Variants in FBXO27 observed in about 807,000 individuals in gnomAD.
FBXO27 encodes F-box only protein 27.
FBXO27 carries 28 observed loss-of-function variants against 28.3 expected under a neutral mutation model. That is an observed-to-expected ratio of 0.99 (90% CI 0.73 to 1.36). The LOEUF (loss-of-function observed/expected upper bound fraction) is 1.36, where lower values mean the gene tolerates loss of function less well. Ranked by LOEUF, FBXO27 falls within the 40% of genes most tolerant of loss-of-function variation. FBXO27 has a pLI of 0.00. For missense variants in FBXO27, 388 were observed against 394.1 expected, an observed-to-expected ratio of 0.98 and a Z score of 0.13; for synonymous variants, 175 against 167.3, an observed-to-expected ratio of 1.05 and a Z score of -0.36.
intron 2 of FBXO27, among the ~76,000 whole-genome samples, chr19:39,007,425 GT>G (rs1975743881): frequency 6.6e-6 from 1 of 152,162 alleles, no homozygotes; most frequent in Non-Finnish European, 1.5e-5. Context: ...GCAGGTGGAA[GT>G]ATAGGGATCA....
chr19:39,016,236 G>A (rs553603455), intron 1 of FBXO27, among the ~76,000 whole-genome samples: 14 of 152,248 alleles, frequency 9.2e-5, no homozygotes, highest in South Asian at 2.1e-4. Flanking sequence ...CAAATCCAGA[G>A]AATGCACGAC....
chr19:39,026,017 C>T (rs1378656140), intron 5 of FBXO27, among the ~76,000 whole-genome samples: 1 of 146,132 alleles, frequency 6.8e-6, no homozygotes, highest in African/African-American at 2.5e-5. Flanking sequence ...GACTCTGCCT[C>T]AAAAAAAAAA....
intron 2 of FBXO27, among the ~76,000 whole-genome samples, chr19:39,011,213 C>A (rs2072792424): frequency 6.6e-6 from 1 of 152,160 alleles, no homozygotes; most frequent in Non-Finnish European, 1.5e-5. Flanking sequence ...GGCGGACCAC[C>A]CGAGGTCAGG....
chr19:39,018,037 G>A (rs957783360), intron 1 of FBXO27, among the ~76,000 whole-genome samples: 11 of 152,050 alleles, frequency 7.2e-5, no homozygotes, highest in Non-Finnish European at 1.6e-4. Context: ...GCTGGAGTGC[G>A]ATGGTGCGAT....
Position 39,031,897 on chromosome 19 carries a change from C to T in FBXO27, c.331G>A (p.Gly111Arg). Residue 111 changes from glycine to arginine, a missense_variant, in exon 2 of 6, where the codon GGA becomes AGA. Coordinates refer to ENST00000292853, the MANE Select transcript of FBXO27 (RefSeq NM_178820.5). ...CAGGGGTTGCGAATAAGGTTGCGTC[C>T]GATGGGTCTGCGCGCGCAGAAGCGG... is the stretch of plus-strand genomic sequence containing the variant. ...LGRFCARRPI[G>R]RNLIRNPCGQ... The T allele has an allele frequency of 6.7e-7, 1 of 1,499,754 alleles. No homozygotes were observed. Among genetic ancestry groups the T allele is most frequent in the South Asian group, 1.3e-5 (1 of 75,920 alleles). The allele number at this position is 1,499,754 out of a possible 1,614,324, so 92.9% of individuals were successfully genotyped here. A position where few individuals can be genotyped will look rare whatever the true frequency, so the allele number is the denominator to read the frequency against.
intron 2 of FBXO27, among the ~76,000 whole-genome samples, chr19:39,008,681 G>A (rs956508051): frequency 1.3e-5 from 2 of 152,110 alleles, no homozygotes; most frequent in Middle Eastern, 3.4e-3. Context: ...CCTGGCAACC[G>A]CTAATCTATT....
At chr19:39,030,871 G>A in intron 4 of FBXO27, 158 bp downstream of exon 4, 2 of 699,970 alleles carry the variant, frequency 2.9e-6, no homozygotes, top group Non-Finnish European at 5.1e-6. Flanking sequence ...ACCCCCCAAA[G>A]TGCTGGGATT....
chr19:39,025,771 T>C (rs1012802102), intron 5 of FBXO27, among the ~76,000 whole-genome samples: 4 of 152,258 alleles, frequency 2.6e-5, no homozygotes, highest in Middle Eastern at 3.4e-3. Flanking sequence ...TCCCAGCACT[T>C]TGGGAGGCCG....
Position 39,026,898 on chromosome 19 carries a change from G to C in FBXO27, c.680C>G (p.Pro227Arg), listed in dbSNP as rs199923366. Reference protein sequence around the residue: ...DKFSAVPDPIPQWNNNACLHV... With the variant: ...DKFSAVPDPIRQWNNNACLHV... Reference sequence around the variant, plus strand: ...AAGGCAGGCATTGTTGTTCCACTGCGGGATGGGATCAGGCACAGCAGAGAA... The same window carrying C: ...AAGGCAGGCATTGTTGTTCCACTGCCGGATGGGATCAGGCACAGCAGAGAA... Residue 227 changes from proline to arginine, a missense_variant, in exon 5 of 6, where the codon CCG (proline) becomes CGG (arginine). Transcript: ENST00000292853. 3.7e-6 allele frequency: 6 copies of C among 1,614,174 alleles called. No individual in the cohort carries two copies. The African/African-American group carries it at 8.0e-5, about 22-fold the overall frequency.
At position 39,025,306 on chromosome 19, in the gene FBXO27, G is replaced by T; in HGVS notation, c.*105C>A. The T allele has an allele frequency of 7.0e-7, 1 of 1,419,480 alleles. No homozygotes were observed. Among genetic ancestry groups the T allele is most frequent in the Non-Finnish European group, 9.5e-7 (1 of 1,049,096 alleles). 87.9% of individuals were successfully genotyped at this position (1,419,480 alleles called of 1,614,324 possible). On this transcript the variant is annotated 3_prime_UTR_variant, in exon 6 of 6. Coordinates refer to ENST00000292853, the MANE Select transcript of FBXO27 (RefSeq NM_178820.5). ...GATTGGACCCAGGAATTCTCAGTAT[G>T]CCAGGGAGGTACAAGTGCTTGGTTG...
At chr19:39,016,951 G>A (rs542494395) in intron 1 of FBXO27, among the ~76,000 whole-genome samples, 8 of 151,954 alleles carry the variant, frequency 5.3e-5, no homozygotes, top group Non-Finnish European at 1.0e-4. Context: ...TGGGTGTGGT[G>A]GCATGTGCCT....
chr19:39,016,517 T>A (rs939943461), intron 1 of FBXO27, among the ~76,000 whole-genome samples: 6 of 145,794 alleles, frequency 4.1e-5, no homozygotes, highest in African/African-American at 1.5e-4. Flanking sequence ...TTTGGGAGGC[T>A]GAAGTGGGAA....
intron 2 of FBXO27, among the ~76,000 whole-genome samples, chr19:39,009,934 C>G (rs4803181): frequency 0.43 from 65,324 of 151,446 alleles, 14,689 homozygotes; most frequent in Middle Eastern, 0.57. Context: ...CTCAGCCTCC[C>G]GAGTAGCTGG....
downstream of FBXO27, among the ~76,000 whole-genome samples, chr19:39,019,294 G>A (rs546123512): frequency 1.0e-3 from 157 of 150,512 alleles, no homozygotes; most frequent in African/African-American, 3.7e-3. Flanking sequence ...GCATGGTGGC[G>A]GGCACCTGTA....
chr19:39,018,436 C>T (rs535395531), intron 1 of FBXO27, among the ~76,000 whole-genome samples: 15 of 152,182 alleles, frequency 9.9e-5, no homozygotes, highest in African/African-American at 3.1e-4. Flanking sequence ...AATTGCATAG[C>T]GCAGTAAACA....
chr19:39,019,838 G>C (rs931679975), downstream of FBXO27, among the ~76,000 whole-genome samples: 1 of 152,028 alleles, frequency 6.6e-6, no homozygotes, highest in African/African-American at 2.4e-5. Flanking sequence ...TGCAACCTCC[G>C]CCTCCTGGGT....
In FBXO27 at chr19:39,026,869, C is replaced by T. The variant is rs149813990; in HGVS notation, c.708+1G>A. On this transcript the variant is annotated splice_donor_variant, in intron 5 of 5. Coordinates refer to ENST00000292853, the MANE Select transcript of FBXO27 (RefSeq NM_178820.5). LOFTEE classifies it high-confidence loss of function. ...TCCCCAAACCCCCATAGGAGACTCA[C>T]GTGAAGGCAGGCATTGTTGTTCCAC... The T allele has an allele frequency of 4.6e-5, 74 of 1,613,966 alleles. No homozygotes were observed. Among genetic ancestry groups the T allele is most frequent in the Admixed American group, 3.8e-4 (23 of 59,980 alleles).
intron 2 of FBXO27, among the ~76,000 whole-genome samples, chr19:39,011,830 T>TC (rs911698336): frequency 2.3e-5 from 1 of 43,058 alleles, no homozygotes; most frequent in African/African-American, 7.0e-5. Flanking sequence ...TTCTTTTCTT[T>TC]TTTTTTTTTT....
chr19:39,017,519 C>G (rs2072825548), intron 1 of FBXO27, among the ~76,000 whole-genome samples: 1 of 151,992 alleles, frequency 6.6e-6, no homozygotes, highest in African/African-American at 2.4e-5. Context: ...CATAGTGAAA[C>G]CCTGTCTCAA....
Sources: gnomAD v4.1 joint callset for allele counts (sites outside exome capture counted in the v4.1 genomes callset) on GRCh38, gnomAD v4.1.1 for gene constraint, MANE v1.5 for transcripts, NCBI Gene and HGNC (gene_info 2026-07-23, HGNC 2026-07-21) for gene names.